BAG3: variants seen among roughly 807,000 people sequenced by gnomAD.
BAG3 encodes the protein BAG family molecular chaperone regulator 3.
Under a neutral mutation model 40.5 loss-of-function variants are expected in BAG3, and 14 were observed. That is an observed-to-expected ratio of 0.35 (90% confidence interval 0.23 to 0.54). The LOEUF (loss-of-function observed/expected upper bound fraction) is 0.54. Ranked by LOEUF, BAG3 falls within the 20% of genes least tolerant of loss-of-function variation. The probability of loss-of-function intolerance (pLI) is 0.91; values close to 1 mark genes in which losing one functional copy is unlikely to be tolerated. For synonymous variants in BAG3, 302 were observed against 307.8 expected (o/e 0.98, Z 0.20); for missense variants, 788 against 758.6 (o/e 1.04, Z -0.46).
intron 1 of BAG3, among the ~76,000 whole-genome samples, chr10:119,658,429 G>A (rs571392241): frequency 6.6e-6 from 1 of 152,336 alleles, no homozygotes; most frequent in East Asian, 1.9e-4. Flanking sequence ...TAAGCTGAGT[G>A]CTCTCACTCT....
chr10:119,653,261 A>G (rs1211917332), intron 1 of BAG3, among the ~76,000 whole-genome samples: 2 of 152,232 alleles, frequency 1.3e-5, no homozygotes, highest in Non-Finnish European at 2.9e-5. Flanking sequence ...ACAGTTACAT[A>G]TACCTTTTTG....
intron 3 of BAG3, among the ~76,000 whole-genome samples, chr10:119,673,385 T>C (rs921428073): frequency 2.6e-5 from 4 of 152,236 alleles, no homozygotes; most frequent in Admixed American, 6.5e-5. Context: ...TACCATGTGG[T>C]CTGGCTGAGG....
intron 1 of BAG3, among the ~76,000 whole-genome samples, chr10:119,657,803 G>T (rs556461798): frequency 2.6e-5 from 4 of 152,374 alleles, no homozygotes; most frequent in Non-Finnish European, 5.9e-5. Context: ...GCTGGCAGCA[G>T]CCAGACCCTA....
Position 119,672,668 on chromosome 10 carries a change from TAGTC to T in BAG3, c.909+13_909+16del. On this transcript the variant is annotated intron_variant, in intron 3 of 3. Transcript: ENST00000369085. This position sits in a 1 kb window ranked among gnomAD's most constrained non-coding sequence, Gnocchi z 4.8. ...TCGACAGGCCTCAGGTACGGGAAGTTAGTCGTCAGCAGACTGGTTATGGTGGTAT... is the reference window on the plus strand; with the variant it reads ...TCGACAGGCCTCAGGTACGGGAAGTTGTCAGCAGACTGGTTATGGTGGTAT... 1 of 1,611,326 alleles carries T rather than the reference TAGTC, an allele frequency of 6.2e-7. No individual in the cohort carries two copies. The highest frequency in any genetic ancestry group is 8.5e-7 in the Non-Finnish European group (1 of 1,179,998).
chr10:119,675,822 TTCCCCCTTCCCCCTTCCC>T (rs1847217266), intron 3 of BAG3, among the ~76,000 whole-genome samples: 3 of 33,760 alleles, frequency 8.9e-5, no homozygotes, highest in Admixed American at 4.4e-4. Context: ...CCCTGCTTCC[TTCCCCCTTCCCCCTTCCC>T]TCCTTCCTTC....
intron 3 of BAG3, 110 bp from the exon 4 acceptor site, chr10:119,676,354 T>A: frequency 8.3e-7 from 1 of 1,211,424 alleles, no homozygotes. Flanking sequence ...ACTATTAAAC[T>A]TTTTTTAAAA....
chr10:119,653,874 C>T (rs1190526710), intron 1 of BAG3, among the ~76,000 whole-genome samples: 4 of 152,134 alleles, frequency 2.6e-5, no homozygotes, highest in East Asian at 3.9e-4. Context: ...GAAACTGAGG[C>T]ATGCAGGCTA....
chr10:119,669,051 T>G (rs1847104233), intron 1 of BAG3, among the ~76,000 whole-genome samples: 1 of 152,180 alleles, frequency 6.6e-6, no homozygotes, highest in Non-Finnish European at 1.5e-5. Context: ...AGACAGCACC[T>G]GGAGGCTGTG....
chr10:119,651,770 C>T lies in BAG3; in HGVS notation c.95C>T (p.Pro32Leu), dbSNP rs759915726. 6 of 1,600,488 alleles carry T rather than the reference C, an allele frequency of 3.7e-6. No homozygotes were observed. The highest frequency in any genetic ancestry group is 5.1e-6 in the Non-Finnish European group (6 of 1,174,058). Residue 32 changes from proline (P) to leucine (L), a missense_variant, in exon 1 of 4, where the codon CCG becomes CTG. By Grantham distance (98) the Pro-to-Leu change is moderately conservative. Coordinates refer to ENST00000369085, the MANE Select transcript of BAG3 (RefSeq NM_004281.4). ...LPPGWEIKID[P>L]QTGWPFFVDH... ...CCCGGATGGGAGATCAAGATCGACC[C>T]GCAGACCGGCTGGCCCTTCTTCGTG...
Position 119,672,707 on chromosome 10 carries a change from G to T in BAG3, c.909+51G>T, listed in dbSNP as rs954702600. On this transcript the variant is annotated intron_variant, in intron 3 of 3. Transcript: ENST00000369085. This position sits in a 1 kb window ranked among gnomAD's most constrained non-coding sequence, Gnocchi z 4.8. ...CTGGTTATGGTGGTATGTCTCCAGG[G>T]GTGCAGGAGCTCTGTGGGTGCCCTG... 1 of 1,604,094 alleles carries T rather than the reference G, an allele frequency of 6.2e-7. No homozygotes were observed. Among genetic ancestry groups the T allele is most frequent in the Non-Finnish European group, 8.5e-7 (1 of 1,179,796 alleles).
chr10:119,659,427 C>T (rs549545437), intron 1 of BAG3, among the ~76,000 whole-genome samples: 1 of 152,324 alleles, frequency 6.6e-6, no homozygotes, highest in South Asian at 2.1e-4. Context: ...ATTACCTGCA[C>T]AGCTCTTCTG....
chr10:119,657,534 G>A, intron 1 of BAG3: 1 of 471,160 alleles, frequency 2.1e-6, no homozygotes, highest in South Asian at 1.5e-5. Context: ...AGAGCGCGAA[G>A]GCAGATACAG....
rs1371817400 is a variant in BAG3, at chr10:119,651,690, C to T, written c.15C>T (p.Thr5=). 4 of 1,585,216 alleles carry T rather than the reference C, an allele frequency of 2.5e-6. No homozygotes were observed. Among genetic ancestry groups the T allele is most frequent in the East Asian group, 4.8e-5 (2 of 41,532 alleles). MSAA[T]HSPMMQVASG... is the part of the protein sequence containing the mutation. ...CCCAACCCAGCATGAGCGCCGCCACCCACTCGCCCATGATGCAGGTGGCGT... is the reference window on the plus strand; with the variant it reads ...CCCAACCCAGCATGAGCGCCGCCACTCACTCGCCCATGATGCAGGTGGCGT... Residue 5 remains threonine, a synonymous_variant, in exon 1 of 4, where the codon ACC becomes ACT. Transcript: ENST00000369085.
At chr10:119,669,487 T>G (rs978121381) in intron 1 of BAG3, among the ~76,000 whole-genome samples, 1 of 152,206 alleles carries the variant, frequency 6.6e-6, no homozygotes, top group Non-Finnish European at 1.5e-5. Flanking sequence ...CCCCTGCTCC[T>G]GGAGCTCATC....
intron 1 of BAG3, among the ~76,000 whole-genome samples, chr10:119,655,051 G>C (rs926724734): frequency 2.0e-5 from 3 of 152,216 alleles, no homozygotes; most frequent in Non-Finnish European, 4.4e-5. Flanking sequence ...TGGTGGTTCT[G>C]ATTCTGCTGC....
chr10:119,664,617 G>A (rs758953618), intron 1 of BAG3, among the ~76,000 whole-genome samples: 17 of 152,104 alleles, frequency 1.1e-4, no homozygotes, highest in Non-Finnish European at 1.9e-4. Context: ...ATCACACAGA[G>A]CTGTCCCCCC....
chr10:119,668,741 A>C (rs148122468), intron 1 of BAG3, among the ~76,000 whole-genome samples: 1 of 152,200 alleles, frequency 6.6e-6, no homozygotes, highest in African/African-American at 2.4e-5. Context: ...AAGGACCCCA[A>C]CTGCTCCTTG....
intron 1 of BAG3, among the ~76,000 whole-genome samples, chr10:119,652,655 T>C (rs1846860024): frequency 6.6e-6 from 1 of 152,218 alleles, no homozygotes; most frequent in Non-Finnish European, 1.5e-5. Context: ...AAGAGAATGA[T>C]ACGTGTATAT....
Position 119,651,512 on chromosome 10 carries a change from C to T in BAG3, c.-164C>T. The T allele has an allele frequency of 1.8e-6, 1 of 566,046 alleles. No homozygotes were observed. The highest frequency in any genetic ancestry group is 2.8e-6 in the Non-Finnish European group (1 of 360,642). The allele number at this position is 566,046 out of a possible 1,614,324, so 35.1% of individuals were successfully genotyped here. A position where few individuals can be genotyped will look rare whatever the true frequency, so the allele number is the denominator to read the frequency against. ...GCTATTTCCAGACACTTCCACCCCTCTCTGGCCACGTCACCCCCGCCTTTA... is the reference window on the plus strand; with the variant it reads ...GCTATTTCCAGACACTTCCACCCCTTTCTGGCCACGTCACCCCCGCCTTTA... On this transcript the variant is annotated 5_prime_UTR_variant, in exon 1 of 4. Coordinates refer to ENST00000369085, the MANE Select transcript of BAG3 (RefSeq NM_004281.4).
Sources: allele counts gnomAD v4.1 joint callset (sites outside exome capture counted in the v4.1 genomes callset), GRCh38; gene constraint gnomAD v4.1.1; non-coding constraint Gnocchi (gnomAD v3.1); transcripts MANE v1.5; gene names NCBI Gene and HGNC (gene_info 2026-07-23, HGNC 2026-07-21).